The following PDE1A variants were observed in gnomAD, a reference collection of about 807,000 sequenced individuals.
PDE1A encodes phosphodiesterase 1A, also known as dual specificity calcium/calmodulin-dependent 3',5'-cyclic nucleotide phosphodiesterase 1A.
In PDE1A, 35 loss-of-function variants were observed where a neutral mutation model predicts 61.7. The ratio of observed to expected loss-of-function variants is 0.57; its 90% confidence interval spans 0.43 to 0.75. PDE1A has a LOEUF of 0.75. Among genes scored for constraint, PDE1A ranks in the 30% least tolerant of loss-of-function variants. PDE1A has a pLI of 0.00. For missense variants in PDE1A, 597 were observed against 630.6 expected (o/e 0.95, Z 0.57); for synonymous variants, 232 against 213.2 (o/e 1.09, Z -0.77).
the PDE1A span, among the ~76,000 whole-genome samples, chr2:182,604,796 T>A: frequency 4.6e-5 from 7 of 152,080 alleles, no homozygotes; most frequent in African/African-American, 1.4e-4. Context: ...GAAAGCCAGG[T>A]TATATTGGTT....
chr2:182,310,736 C>T (rs974860394), intron 1 of PDE1A, among the ~76,000 whole-genome samples: 3 of 152,210 alleles, frequency 2.0e-5, no homozygotes, highest in Non-Finnish European at 2.9e-5. Flanking sequence ...CTGCACATCT[C>T]ACTTTCACGT....
chr2:182,545,307 G>C, the PDE1A span, among the ~76,000 whole-genome samples: 1 of 152,024 alleles, frequency 6.6e-6, no homozygotes, highest in Non-Finnish European at 1.5e-5. Flanking sequence ...CCCCTTCCCT[G>C]GTCCTAGACC....
chr2:182,212,213 G>T (rs141034964), intron 7 of PDE1A, among the ~76,000 whole-genome samples: 16 of 149,768 alleles, frequency 1.1e-4, no homozygotes, highest in African/African-American at 3.9e-4. Flanking sequence ...TATTACGTAC[G>T]AGATAATGTC....
At chr2:182,568,768 A>G in the PDE1A span, among the ~76,000 whole-genome samples, 1 of 152,154 alleles carries the variant, frequency 6.6e-6, no homozygotes, top group Non-Finnish European at 1.5e-5. Flanking sequence ...CACTCAAAAA[A>G]TTCATACAAG....
At chr2:182,498,092 G>A (rs1318187732) in intron 2 of PDE1A, among the ~76,000 whole-genome samples, 1 of 144,924 alleles carries the variant, frequency 6.9e-6, no homozygotes, top group Non-Finnish European at 1.5e-5. Flanking sequence ...CCACCACACT[G>A]TTATGAAGCC....
chr2:182,423,868 G>C (rs955439882), intron 1 of PDE1A, among the ~76,000 whole-genome samples: 6 of 151,762 alleles, frequency 4.0e-5, no homozygotes, highest in African/African-American at 1.5e-4. Context: ...TTCAATTATA[G>C]GGGAAATTAG....
intron 2 of PDE1A, among the ~76,000 whole-genome samples, chr2:182,500,204 T>C (rs1689005498): frequency 6.6e-6 from 1 of 152,142 alleles, no homozygotes; most frequent in African/African-American, 2.4e-5. Flanking sequence ...TTATACTCCA[T>C]AGGAACATAT....
intron 11 of PDE1A, among the ~76,000 whole-genome samples, chr2:182,187,974 G>C (rs1187293775): frequency 6.7e-6 from 1 of 150,172 alleles, no homozygotes; most frequent in African/African-American, 2.5e-5. Flanking sequence ...TTGATCTCCT[G>C]ACCCGAGATC....
At chr2:182,555,209 A>G in the PDE1A span, among the ~76,000 whole-genome samples, 2 of 152,210 alleles carry the variant, frequency 1.3e-5, no homozygotes, top group Admixed American at 1.3e-4. Context: ...TCTTAACCAA[A>G]AAAGGATTTT....
At chr2:182,306,251 C>T (rs895416452) in intron 1 of PDE1A, among the ~76,000 whole-genome samples, 5 of 152,150 alleles carry the variant, frequency 3.3e-5, no homozygotes, top group African/African-American at 7.2e-5. Flanking sequence ...ACCATGTATA[C>T]GTACAATATT....
chr2:182,437,254 T>G (rs1684489441), intron 2 of PDE1A, among the ~76,000 whole-genome samples: 1 of 151,998 alleles, frequency 6.6e-6, no homozygotes, highest in African/African-American at 2.4e-5. Flanking sequence ...AATGAAGTTG[T>G]GATATATATC....
chr2:182,416,871 A>G (rs1329796727), intron 1 of PDE1A, among the ~76,000 whole-genome samples: 2 of 152,226 alleles, frequency 1.3e-5, no homozygotes, highest in East Asian at 3.9e-4. Flanking sequence ...GAGGGAAATT[A>G]GTGTGACTGG....
intron 2 of PDE1A, among the ~76,000 whole-genome samples, chr2:182,490,514 C>T (rs35828806): frequency 0.25 from 38,042 of 151,832 alleles, 5,920 homozygotes; most frequent in Middle Eastern, 0.35. Flanking sequence ...AGATTGCAAG[C>T]GCCCACCACC....
intron 2 of PDE1A, among the ~76,000 whole-genome samples, chr2:182,507,774 A>AAAAG: frequency 2.6e-5 from 4 of 152,248 alleles, no homozygotes; most frequent in Non-Finnish European, 4.4e-5. Flanking sequence ...AGTATTGAAC[A>AAAAG]GCCACACATA....
chr2:182,625,303 C>T, the PDE1A span, among the ~76,000 whole-genome samples: 1 of 152,190 alleles, frequency 6.6e-6, no homozygotes, highest in South Asian at 2.1e-4. Context: ...TCTTATAAAA[C>T]ACCATATAAT....
chr2:182,476,583 C>T (rs1687380531), intron 2 of PDE1A, among the ~76,000 whole-genome samples: 1 of 151,908 alleles, frequency 6.6e-6, no homozygotes, highest in Non-Finnish European at 1.5e-5. Context: ...CAGTACACTG[C>T]TTTGCTGATT....
chr2:182,604,375 C>G, the PDE1A span, among the ~76,000 whole-genome samples: 1 of 152,134 alleles, frequency 6.6e-6, no homozygotes, highest in Non-Finnish European at 1.5e-5. Context: ...TTTGCTATTT[C>G]TTGAACATTG....
intron 13 of PDE1A, among the ~76,000 whole-genome samples, chr2:182,185,324 T>A (rs1034504607): frequency 9.2e-5 from 14 of 152,146 alleles, no homozygotes; most frequent in Non-Finnish European, 2.1e-4. Context: ...GAATACTAAC[T>A]CACAAACCTA....
the PDE1A span, among the ~76,000 whole-genome samples, chr2:182,535,926 T>G: frequency 6.6e-6 from 1 of 152,214 alleles, no homozygotes; most frequent in Admixed American, 6.5e-5. Context: ...GAATACTTTT[T>G]CCTTTCTTAT....
Sources: allele counts gnomAD v4.1 joint callset (sites outside exome capture counted in the v4.1 genomes callset), GRCh38; gene constraint gnomAD v4.1.1; transcripts MANE v1.5; gene names NCBI Gene and HGNC (gene_info 2026-07-23, HGNC 2026-07-21).